The following MBD5 variants were observed in gnomAD, a reference collection of about 807,000 sequenced individuals.
The protein encoded by MBD5 is methyl-CpG binding domain protein 5.
Under a neutral mutation model 117.3 loss-of-function variants are expected in MBD5, and 13 were observed. That is an observed-to-expected ratio of 0.11 (90% CI 0.07 to 0.18). The LOEUF (loss-of-function observed/expected upper bound fraction) is 0.18, where lower values mean the gene tolerates loss of function less well. Among genes scored for constraint, MBD5 ranks in the 10% least tolerant of loss-of-function variants. The pLI is 1.00. For missense variants in MBD5, 1,879 were observed against 2,093.8 expected, an observed-to-expected ratio of 0.90 and a Z score of 2.00; for synonymous variants, 727 against 766.4, an observed-to-expected ratio of 0.95 and a Z score of 0.85.
chr2:148,356,685 G>T (rs1703388697), intron 4 of MBD5, among the ~76,000 whole-genome samples: 1 of 151,880 alleles, frequency 6.6e-6, no homozygotes, highest in Non-Finnish European at 1.5e-5. Flanking sequence ...TGTTTTTCTT[G>T]TATCATTTTT....
chr2:148,360,781 T>C (rs916971085), intron 4 of MBD5, among the ~76,000 whole-genome samples: 4 of 152,194 alleles, frequency 2.6e-5, no homozygotes, highest in African/African-American at 9.6e-5. Flanking sequence ...TTTGTGACAG[T>C]CTATATGATC....
chr2:148,023,343 C>T (rs951292638), intron 1 of MBD5, among the ~76,000 whole-genome samples: 1 of 152,138 alleles, frequency 6.6e-6, no homozygotes, highest in African/African-American at 2.4e-5. Flanking sequence ...GACAGTGAAG[C>T]ATTGCATATG....
At chr2:148,427,313 A>G (rs1219755053) in intron 4 of MBD5, among the ~76,000 whole-genome samples, 3 of 152,198 alleles carry the variant, frequency 2.0e-5, no homozygotes, top group Admixed American at 1.3e-4. Flanking sequence ...TATATACCCA[A>G]AGGATTATAA....
At chr2:148,088,526 A>G (rs1053793570) in intron 1 of MBD5, among the ~76,000 whole-genome samples, 1 of 152,180 alleles carries the variant, frequency 6.6e-6, no homozygotes, top group Admixed American at 6.5e-5. Context: ...CAGAAACCCT[A>G]CAAGCCACAA....
chr2:148,098,871 C>T (rs115082960), intron 1 of MBD5, among the ~76,000 whole-genome samples: 330 of 151,836 alleles, frequency 2.2e-3, no homozygotes, highest in African/African-American at 7.6e-3. Flanking sequence ...GGCAACATGG[C>T]GAGACCCTGT....
At chr2:148,361,738 AAAT>A in intron 4 of MBD5, among the ~76,000 whole-genome samples, 2 of 152,358 alleles carry the variant, frequency 1.3e-5, no homozygotes, top group Non-Finnish European at 2.9e-5. Context: ...CAAGATGGCC[AAAT>A]AGGAACAGCT....
At position 148,195,792 on chromosome 2, in the gene MBD5, T is replaced by TA. The variant is rs1245926660; in HGVS notation, c.-831+17000dup. 2.6e-5 allele frequency among the ~76,000 whole-genome samples: 4 copies of TA among 152,186 alleles called. No individual in the cohort carries two copies. In the East Asian group the frequency reaches 7.7e-4, roughly 29 times the overall value. The stretch of plus-strand genomic sequence containing the variant: ...AAATTAAACAGCACACTTCTAAACT[T>TA]ATGCGTCAAGAAAAAATTCACCAGA... On this transcript the variant is annotated intron_variant, in intron 2 of 13. Transcript: ENST00000642680.
intron 2 of MBD5, among the ~76,000 whole-genome samples, chr2:148,185,168 T>G (rs1304015537): frequency 6.6e-6 from 1 of 152,186 alleles, no homozygotes; most frequent in East Asian, 1.9e-4. Flanking sequence ...ATTTCCTGTT[T>G]TATCCTCCCA....
chr2:148,485,874 A>C lies in MBD5; in HGVS notation c.3677A>C (p.Gln1226Pro), dbSNP rs761395486. 1.4e-5 allele frequency: 23 copies of C among 1,614,136 alleles called. No individual in the cohort carries two copies. In the Admixed American group the frequency reaches 3.5e-4, roughly 25 times the overall value. Residue 1226 changes from glutamine (Q) to proline (P), a missense_variant, in exon 10 of 14, where the codon CAG becomes CCG. By Grantham distance (76) the Gln-to-Pro change is moderately conservative (BLOSUM62 -1). Coordinates refer to ENST00000642680, the MANE Select transcript of MBD5 (RefSeq NM_001378120.1). Reference protein sequence around the residue: ...QQLLQGYQNLQAFQGQSTIPC... With the variant: ...QQLLQGYQNLPAFQGQSTIPC... ...CTTCTCCAGGGGTACCAGAATCTCC[A>C]GGCGTTCCAAGGACAGTCCACAATT...
At chr2:148,470,732 C>T in intron 8 of MBD5, 1 of 468,176 alleles carries the variant, frequency 2.1e-6, no homozygotes, top group Non-Finnish European at 3.7e-6. Flanking sequence ...GGTTTTATAA[C>T]CATTGGACTC....
At position 148,340,875 on chromosome 2, in the gene MBD5, C is replaced by CACACACACAT. The variant is rs535805362; in HGVS notation, c.-679-1338_-679-1337insCACACACATA. Reference sequence around the variant, plus strand: ...ACACACACACACACACACACACACACATAGCATTTATTATTGAAACTGATA... The same window carrying CACACACACAT: ...ACACACACACACACACACACACACACACACACACATATAGCATTTATTATTGAAACTGATA... On this transcript the variant is annotated intron_variant, in intron 3 of 13. Coordinates refer to ENST00000642680, the MANE Select transcript of MBD5 (RefSeq NM_001378120.1). Among the ~76,000 whole-genome samples, 178 of 144,634 alleles carry CACACACACAT rather than the reference C, an allele frequency of 1.2e-3. 3 individuals carry two copies. Among genetic ancestry groups the CACACACACAT allele is most frequent in the Middle Eastern group, 3.5e-3 (1 of 282 alleles). 94.9% of individuals were successfully genotyped at this position (144,634 alleles called of 152,430 possible).
chr2:148,496,182 T>C (rs2105180540), intron 11 of MBD5, among the ~76,000 whole-genome samples: 1 of 152,338 alleles, frequency 6.6e-6, no homozygotes, highest in African/African-American at 2.4e-5. Flanking sequence ...TGGGTTGCAT[T>C]TTGGTTGGTG....
chr2:148,285,929 C>A (rs1701358188), intron 3 of MBD5, among the ~76,000 whole-genome samples: 1 of 152,012 alleles, frequency 6.6e-6, no homozygotes, highest in African/African-American at 2.4e-5. Flanking sequence ...TTTTATATAT[C>A]ACTTTATTCA....
At chr2:148,145,763 T>A (rs1174099071) in intron 1 of MBD5, among the ~76,000 whole-genome samples, 1 of 152,200 alleles carries the variant, frequency 6.6e-6, no homozygotes. Context: ...TTGATTTGCA[T>A]ATGTCGAACC....
At chr2:148,364,945 CA>C (rs1178615975) in intron 4 of MBD5, among the ~76,000 whole-genome samples, 2 of 152,174 alleles carry the variant, frequency 1.3e-5, no homozygotes, top group African/African-American at 4.8e-5. Context: ...AGAAAATTAA[CA>C]AGGATATTCA....
intron 4 of MBD5, among the ~76,000 whole-genome samples, chr2:148,380,285 A>G (rs1704099520): frequency 6.6e-6 from 1 of 152,216 alleles, no homozygotes. Context: ...AAATCTTAAT[A>G]TACATTTGTC....
At chr2:148,024,368 T>C (rs907960022) in intron 1 of MBD5, among the ~76,000 whole-genome samples, 5 of 152,212 alleles carry the variant, frequency 3.3e-5, no homozygotes, top group African/African-American at 1.2e-4. Flanking sequence ...CCCATACTTA[T>C]AAGAATAAAT....
intron 4 of MBD5, among the ~76,000 whole-genome samples, chr2:148,368,830 C>T (rs1703774596): frequency 6.6e-6 from 1 of 151,930 alleles, no homozygotes; most frequent in East Asian, 1.9e-4. Flanking sequence ...TTTTATAACT[C>T]TATTATCCCT....
At chr2:148,306,049 T>G (rs1447336063) in intron 3 of MBD5, among the ~76,000 whole-genome samples, 1 of 152,196 alleles carries the variant, frequency 6.6e-6, no homozygotes, top group African/African-American at 2.4e-5. Flanking sequence ...CTTTTAAAAT[T>G]TGCTTTGTTT....
Sources: gnomAD v4.1 joint callset for allele counts (sites outside exome capture counted in the v4.1 genomes callset) on GRCh38, gnomAD v4.1.1 for gene constraint, MANE v1.5 for transcripts, NCBI Gene and HGNC (gene_info 2026-07-23, HGNC 2026-07-21) for gene names.